ZNF600: variants seen among roughly 807,000 people sequenced by gnomAD.
ZNF600 encodes zinc finger protein 600.
A neutral mutation model predicts 7.3 loss-of-function variants in ZNF600; 4 were observed. The observed-to-expected ratio is 0.55, with a 90% CI of 0.27 to 1.25. ZNF600 has a LOEUF of 1.25. Ranked by LOEUF, ZNF600 falls within the 50% of genes most tolerant of loss-of-function variation. The pLI is 0.12. For synonymous variants in ZNF600, 290 were observed against 308.9 expected, an observed-to-expected ratio of 0.94 and a Z score of 0.64; for missense variants, 911 against 922.1, an observed-to-expected ratio of 0.99 and a Z score of 0.16.
At chr19:52,768,110 T>TCA in intron 3 of ZNF600, among the ~76,000 whole-genome samples, 1 of 150,728 alleles carries the variant, frequency 6.6e-6, no homozygotes, top group Admixed American at 6.6e-5. Context: ...AAGAGAAAAA[T>TCA]ATATATTTTT....
chr19:52,799,911 C>T, the ZNF600 span: 401 of 1,613,802 alleles, frequency 2.5e-4, 1 homozygote, highest in African/African-American at 4.8e-3. Flanking sequence ...TGACATCTGA[C>T]TGAAGGTCTT....
the ZNF600 span, among the ~76,000 whole-genome samples, chr19:52,821,426 AAAG>A: frequency 5.9e-5 from 9 of 152,260 alleles, no homozygotes; most frequent in Middle Eastern, 3.4e-3. Context: ...TTAAACCTAA[AAAG>A]AAGGGGCTTC....
chr19:52,787,404 T>C (rs2062773909), upstream of ZNF600, among the ~76,000 whole-genome samples: 2 of 132,678 alleles, frequency 1.5e-5, no homozygotes, highest in Non-Finnish European at 3.1e-5. Flanking sequence ...TCTTTTACTT[T>C]TTTTTTTTTT....
intron 1 of ZNF600, among the ~76,000 whole-genome samples, chr19:52,785,790 T>C (rs978424416): frequency 6.6e-6 from 1 of 152,066 alleles, no homozygotes. Context: ...TGGCTCCAAA[T>C]CCCTCCTCCT....
At chr19:52,788,174 T>C (rs757581585), upstream of ZNF600, among the ~76,000 whole-genome samples, 1 of 152,070 alleles carries the variant, frequency 6.6e-6, no homozygotes, top group Non-Finnish European at 1.5e-5. Flanking sequence ...TTATAGAAGA[T>C]GGAATTTAAG....
In ZNF600 at chr19:52,766,691, CT is replaced by C; in HGVS notation, c.1271del (p.Glu424GlyfsTer48). ...CACACTCATTACACTTGTAAGTTTT[CT>C]CTCCAGTGTGAATTCTTTTATGTCT... On this transcript the variant is annotated frameshift_variant, in exon 4 of 4. Transcript: ENST00000648973. LOFTEE classifies it low-confidence loss of function (END_TRUNC). 1 of 1,613,436 alleles carries C rather than the reference CT, an allele frequency of 6.2e-7. No homozygotes were observed. The highest frequency in any genetic ancestry group is 1.3e-5 in the African/African-American group (1 of 74,774).
chr19:52,767,615 C>T (rs778696719), exon 4 of ZNF600: 49 of 1,614,010 alleles, frequency 3.0e-5, no homozygotes, highest in Non-Finnish European at 4.1e-5. Context: ...CTTCTTGACA[C>T]TGAAACTCAA....
At chr19:52,831,984 A>C in the ZNF600 span, among the ~76,000 whole-genome samples, 1 of 150,156 alleles carries the variant, frequency 6.7e-6, no homozygotes, top group Non-Finnish European at 1.5e-5. Flanking sequence ...AAATCTTAAA[A>C]TCATTACAAT....
At chr19:52,778,787 G>T in intron 2 of ZNF600, 39 bp downstream of exon 4, 2 of 1,579,120 alleles carry the variant, frequency 1.3e-6, no homozygotes, top group Non-Finnish European at 1.7e-6. Context: ...TTTCAGAAAG[G>T]AAAGAGACAG....
the ZNF600 span, chr19:52,807,863 AAAGTCCAGATGCTACATCATG>A: frequency 7.6e-7 from 1 of 1,315,430 alleles, no homozygotes; most frequent in Non-Finnish European, 1.0e-6. Context: ...GGGGACAGTG[AAAGTCCAGATGCTACATCATG>A]AAGCTTTTCA....
the ZNF600 span, among the ~76,000 whole-genome samples, chr19:52,796,097 C>T: frequency 6.6e-6 from 1 of 152,148 alleles, no homozygotes; most frequent in Non-Finnish European, 1.5e-5. Flanking sequence ...ATCCCTTGAA[C>T]CCAGGAGGTT....
chr19:52,795,111 G>T, the ZNF600 span, among the ~76,000 whole-genome samples: 1 of 152,154 alleles, frequency 6.6e-6, no homozygotes. Flanking sequence ...CTGGAACAAG[G>T]TTCCAGGTCA....
At chr19:52,812,705 T>C in the ZNF600 span, among the ~76,000 whole-genome samples, 1,078 of 126,950 alleles carry the variant, frequency 8.5e-3, 23 homozygotes, top group African/African-American at 0.033. Context: ...TTCCCTCCAC[T>C]ATTGTCCTAT....
intron 1 of ZNF600, 77 bp from the exon 4 acceptor site, chr19:52,778,984 G>T: frequency 1.2e-5 from 16 of 1,356,790 alleles, no homozygotes; most frequent in Non-Finnish European, 1.6e-5. Context: ...ATGAACAGGG[G>T]AGACCTCACC....
the ZNF600 span, among the ~76,000 whole-genome samples, chr19:52,833,401 G>A: frequency 7.2e-5 from 11 of 152,148 alleles, 1 homozygote; most frequent in Non-Finnish European, 1.2e-4. Flanking sequence ...CTCAGAGCAG[G>A]TGAGAGGAAC....
chr19:52,776,703 A>T (rs1054692256), intron 2 of ZNF600, among the ~76,000 whole-genome samples: 7 of 152,198 alleles, frequency 4.6e-5, no homozygotes, highest in Non-Finnish European at 1.0e-4. Context: ...TACAATTATT[A>T]TAAAAAATAA....
chr19:52,780,888 C>T (rs776675521), intron 1 of ZNF600: 5 of 152,130 alleles, frequency 3.3e-5, no homozygotes, highest in Non-Finnish European at 7.3e-5. Context: ...CGGCCGTTTC[C>T]GGAAGTACGT....
chr19:52,801,909 C>T, the ZNF600 span, among the ~76,000 whole-genome samples: 1 of 152,060 alleles, frequency 6.6e-6, no homozygotes, highest in Non-Finnish European at 1.5e-5. Context: ...AGTCTATTTC[C>T]TATATCATGA....
the ZNF600 span, among the ~76,000 whole-genome samples, chr19:52,819,604 GA>G: frequency 9.6e-6 from 1 of 103,662 alleles, no homozygotes; most frequent in Non-Finnish European, 2.0e-5. Flanking sequence ...CTCAGAGCTG[GA>G]AACATTTTCA....
Sources: gnomAD v4.1 joint callset for allele counts (sites outside exome capture counted in the v4.1 genomes callset) on GRCh38, gnomAD v4.1.1 for gene constraint, MANE v1.5 for transcripts, NCBI Gene and HGNC (gene_info 2026-07-23, HGNC 2026-07-21) for gene names.